Variants in ATP2B4 observed in about 807,000 individuals in gnomAD.
ATP2B4 encodes the protein plasma membrane calcium-transporting ATPase 4.
Under a neutral mutation model 110.3 loss-of-function variants are expected in ATP2B4, and 39 were observed. That is an observed-to-expected ratio of 0.35 (90% CI 0.27 to 0.46). The LOEUF (loss-of-function observed/expected upper bound fraction) is 0.46. Among genes scored for constraint, ATP2B4 ranks in the 20% least tolerant of loss-of-function variants. The pLI, the probability that ATP2B4 is intolerant of heterozygous loss-of-function variation, is 1.00. For synonymous variants in ATP2B4, 538 were observed against 571.7 expected (o/e 0.94, Z 0.84); for missense variants, 1,135 against 1,530.9 (o/e 0.74, Z 4.32).
In ATP2B4 at chr1:203,709,112, G is replaced by A. The variant is rs575745538; in HGVS notation, c.1558-189G>A. 1.1e-4 allele frequency among the ~76,000 whole-genome samples: 17 copies of A among 152,026 alleles called. No homozygotes were observed. In the South Asian group the frequency reaches 2.5e-3, roughly 22 times the overall value. ...GTGGAGGTTGCAGTGAGCCAAGGTC[G>A]TGCCACTGCACTCCAGGCTGGGCAA... On this transcript the variant is annotated intron_variant, in intron 10 of 20. Transcript: ENST00000357681.
rs576585704 is a variant in ATP2B4 at position 203,734,642 on chromosome 1, G to A, written c.3310-4904G>A. Among the ~76,000 whole-genome samples, 7 of 150,956 alleles carry A rather than the reference G, an allele frequency of 4.6e-5. No homozygotes were observed. In the East Asian group the frequency reaches 1.2e-3, roughly 25 times the overall value. Reference sequence around the variant, plus strand: ...AATCACTTGAACCCGGGAGTCAGAGGTTGCAGTGAGCCGAGATAGCACCAT... The same window carrying A: ...AATCACTTGAACCCGGGAGTCAGAGATTGCAGTGAGCCGAGATAGCACCAT... On this transcript the variant is annotated intron_variant, in intron 20 of 20. Coordinates refer to ENST00000357681, the MANE Select transcript of ATP2B4 (RefSeq NM_001684.5).
At chr1:203,721,081 G>T in intron 16 of ATP2B4, 116 bp from the exon 17 acceptor site, 1 of 1,082,334 alleles carries the variant, frequency 9.2e-7, no homozygotes, top group East Asian at 2.5e-5. Flanking sequence ...CAGTCACTCA[G>T]CTAGGAAGTG....
At chr1:203,735,498 C>A (rs996386029) in intron 20 of ATP2B4, among the ~76,000 whole-genome samples, 1 of 152,162 alleles carries the variant, frequency 6.6e-6, no homozygotes, top group Non-Finnish European at 1.5e-5. Flanking sequence ...CACCACCCCC[C>A]ACCCCGACCT....
intron 20 of ATP2B4, among the ~76,000 whole-genome samples, chr1:203,738,609 C>T (rs1375799422): frequency 6.6e-6 from 1 of 152,224 alleles, no homozygotes; most frequent in South Asian, 2.1e-4. Flanking sequence ...TTAGGTTTCT[C>T]TCCCTGGTCC....
rs116071507 is a variant in ATP2B4 at position 203,710,699 on chromosome 1, A to G, written c.1800-178A>G. 9.1e-3 allele frequency among the ~76,000 whole-genome samples: 1,384 copies of G among 152,350 alleles called. 25 individuals are homozygous for G. Among genetic ancestry groups the G allele is most frequent in the African/African-American group, 0.032 (1,331 of 41,580 alleles). The stretch of plus-strand genomic sequence containing the variant: ...ATATATCTAGACCTTAACTCCATCC[A>G]CAGCCCACCTACCTTGGAAAGAGGG... On this transcript the variant is annotated intron_variant, in intron 11 of 20. Coordinates refer to ENST00000357681, the MANE Select transcript of ATP2B4 (RefSeq NM_001684.5).
chr1:203,722,926 C>G (rs1666380211), intron 18 of ATP2B4, among the ~76,000 whole-genome samples: 1 of 152,158 alleles, frequency 6.6e-6, no homozygotes, highest in South Asian at 2.1e-4. Context: ...TAAAATAATA[C>G]TTCTAAAATC....
rs544584839 is a variant in ATP2B4 at position 203,673,276 on chromosome 1, T to G, written c.-464-9466T>G. On this transcript the variant is annotated intron_variant, in intron 1 of 20. Transcript: ENST00000357681. ...AGTTGGCAGGGAGGGGCCCAATAGG[T>G]TTGCCCCAGTTCTCCAGAGGATCCT... Among the ~76,000 whole-genome samples the G allele has an allele frequency of 3.3e-5, 5 of 152,246 alleles. No homozygotes were observed. The East Asian group carries it at 9.7e-4, about 29-fold the overall frequency.
chr1:203,668,074 G>A (rs1178164954), intron 1 of ATP2B4, among the ~76,000 whole-genome samples: 1 of 152,200 alleles, frequency 6.6e-6, no homozygotes, highest in African/African-American at 2.4e-5. Flanking sequence ...GAATCCTTGT[G>A]TAGTGGTGGG....
At chr1:203,687,841 A>G (rs1314073826) in intron 2 of ATP2B4, among the ~76,000 whole-genome samples, 2 of 152,044 alleles carry the variant, frequency 1.3e-5, no homozygotes, top group South Asian at 2.1e-4. Context: ...TGCTTTAGCT[A>G]AGATACTCTG....
chr1:203,714,761 C>A (rs1274353962), intron 15 of ATP2B4, among the ~76,000 whole-genome samples: 1 of 151,996 alleles, frequency 6.6e-6, no homozygotes, highest in African/African-American at 2.4e-5. Flanking sequence ...TTAACAGGCA[C>A]ACCAGTTAAT....
intron 9 of ATP2B4, 53 bp downstream of exon 9, chr1:203,707,276 G>A: frequency 7.2e-6 from 11 of 1,522,340 alleles, no homozygotes; most frequent in Non-Finnish European, 9.0e-6. Context: ...GGGAGAGAAG[G>A]GTACCATGTA....
chr1:203,673,878 G>C (rs958354276), intron 1 of ATP2B4, among the ~76,000 whole-genome samples: 60 of 152,268 alleles, frequency 3.9e-4, no homozygotes, highest in African/African-American at 1.4e-3. Context: ...TCCCGACCCG[G>C]TAGCCCAGGG....
At chr1:203,680,269 T>C (rs550599486) in intron 1 of ATP2B4, among the ~76,000 whole-genome samples, 1 of 152,240 alleles carries the variant, frequency 6.6e-6, no homozygotes, top group South Asian at 2.1e-4. Context: ...ACATGGAGCT[T>C]ATTGTTCTTC....
intron 1 of ATP2B4, among the ~76,000 whole-genome samples, chr1:203,656,614 T>C (rs1214935169): frequency 6.6e-6 from 1 of 152,254 alleles, no homozygotes; most frequent in Non-Finnish European, 1.5e-5. Flanking sequence ...AGGTAGAAGA[T>C]ACTTCATTTA....
At chr1:203,679,847 A>G (rs943199726) in intron 1 of ATP2B4, among the ~76,000 whole-genome samples, 4 of 152,020 alleles carry the variant, frequency 2.6e-5, no homozygotes, top group African/African-American at 9.7e-5. Context: ...GCGCCACTGC[A>G]CTCCAGCCTG....
chr1:203,679,792 G>A (rs751250614), intron 1 of ATP2B4, among the ~76,000 whole-genome samples: 36 of 152,162 alleles, frequency 2.4e-4, no homozygotes, highest in Non-Finnish European at 4.4e-4. Flanking sequence ...TGAGGCAGGA[G>A]AATCACTTGA....
At chr1:203,723,457 T>TCTCCCTCCCTCC (rs1553251106) in intron 18 of ATP2B4, among the ~76,000 whole-genome samples, 1 of 113,502 alleles carries the variant, frequency 8.8e-6, no homozygotes, top group Non-Finnish European at 1.7e-5. Context: ...TCTCTCTCTC[T>TCTCCCTCCCTCC]CTCCCTCTGC....
intron 1 of ATP2B4, among the ~76,000 whole-genome samples, chr1:203,663,608 T>A (rs769794968): frequency 6.6e-6 from 1 of 150,692 alleles, no homozygotes; most frequent in Non-Finnish European, 1.5e-5. Flanking sequence ...GCTCTCTCTC[T>A]CTCTTTTTTT....
chr1:203,722,129 A>C (rs1666355896), intron 17 of ATP2B4, among the ~76,000 whole-genome samples: 1 of 152,194 alleles, frequency 6.6e-6, no homozygotes. Flanking sequence ...GAGAAGGTAA[A>C]ATAAGTCAAG....
Sources: gnomAD v4.1 joint callset for allele counts (sites outside exome capture counted in the v4.1 genomes callset) on GRCh38, gnomAD v4.1.1 for gene constraint, MANE v1.5 for transcripts, NCBI Gene and HGNC (gene_info 2026-07-23, HGNC 2026-07-21) for gene names.